Variants in LRRIQ1 observed in about 807,000 individuals in gnomAD.
The protein encoded by LRRIQ1 is leucine rich repeats and IQ motif containing 1.
In LRRIQ1, 210 loss-of-function variants were observed where a neutral mutation model predicts 211.9. The observed-to-expected ratio is 0.99, with a 90% CI of 0.89 to 1.11. The LOEUF is 1.11. LRRIQ1 is among the 50% of genes most tolerant of loss of function. The pLI is 0.00. For missense variants in LRRIQ1, 2,136 were observed against 1,939.5 expected, an observed-to-expected ratio of 1.10 and a Z score of -1.90; for synonymous variants, 699 against 650.1, an observed-to-expected ratio of 1.08 and a Z score of -1.14.
rs1035805401 is a variant in LRRIQ1 at position 85,151,432 on chromosome 12, A to C, written c.4330-848A>C. 4.6e-5 allele frequency among the ~76,000 whole-genome samples: 7 copies of C among 151,806 alleles called. No individual in the cohort carries two copies. The Admixed American group carries it at 4.6e-4, about 10-fold the overall frequency. ...TCAGAATAAATTATTCTAGTTTTAA[A>C]TCATAAAATGTTTGATTATTTTACA... On this transcript the variant is annotated intron_variant, in intron 19 of 26. Coordinates refer to ENST00000393217, the MANE Select transcript of LRRIQ1 (RefSeq NM_001079910.2).
intron 3 of LRRIQ1, among the ~76,000 whole-genome samples, chr12:85,041,172 GA>G (rs953532376): frequency 2.6e-5 from 4 of 151,568 alleles, no homozygotes; most frequent in African/African-American, 7.3e-5. Flanking sequence ...AAATATTCAT[GA>G]TATGTTAAAA....
chr12:85,152,935 C>T, intron 20 of LRRIQ1, 89 bp from the exon 21 acceptor site: 1 of 791,984 alleles, frequency 1.3e-6, no homozygotes, highest in South Asian at 2.5e-5. Context: ...CCTTAGGAGG[C>T]TATTTGGTAA....
intron 1 of LRRIQ1, among the ~76,000 whole-genome samples, chr12:85,255,027 T>C (rs538102281): frequency 2.6e-5 from 4 of 152,012 alleles, no homozygotes; most frequent in Non-Finnish European, 4.4e-5. Context: ...AATCTTTCTC[T>C]TCTAACTTAT....
At chr12:85,161,497 G>A (rs951528262) in intron 24 of LRRIQ1, among the ~76,000 whole-genome samples, 2 of 151,606 alleles carry the variant, frequency 1.3e-5, no homozygotes, top group Non-Finnish European at 2.9e-5. Context: ...ATAGAAAAAT[G>A]GAATCATATT....
At chr12:85,067,255 TG>T (rs1323315750) in intron 10 of LRRIQ1, among the ~76,000 whole-genome samples, 1 of 151,882 alleles carries the variant, frequency 6.6e-6, no homozygotes, top group African/African-American at 2.4e-5. Flanking sequence ...AACTATTTGC[TG>T]GTAAACCTTT....
At chr12:85,120,086 G>A (rs1229376249) in intron 15 of LRRIQ1, among the ~76,000 whole-genome samples, 3 of 151,772 alleles carry the variant, frequency 2.0e-5, no homozygotes, top group African/African-American at 7.3e-5. Flanking sequence ...CCTTCCTTTT[G>A]CATTTTATCT....
At chr12:85,160,114 A>G (rs1233522338) in intron 23 of LRRIQ1, among the ~76,000 whole-genome samples, 3 of 152,032 alleles carry the variant, frequency 2.0e-5, no homozygotes, top group African/African-American at 7.2e-5. Flanking sequence ...TTACAACATT[A>G]AAAATCTTGT....
intron 26 of LRRIQ1, among the ~76,000 whole-genome samples, chr12:85,242,088 T>C (rs560274893): frequency 2.0e-4 from 31 of 152,148 alleles, no homozygotes; most frequent in African/African-American, 6.7e-4. Context: ...TAAAAGAATT[T>C]TGCAAAATTA....
chr12:85,078,030 C>G (rs930290566), intron 11 of LRRIQ1, among the ~76,000 whole-genome samples: 1 of 151,790 alleles, frequency 6.6e-6, no homozygotes, highest in Non-Finnish European at 1.5e-5. Context: ...TAGCAACTTA[C>G]TCTAACTTCA....
At chr12:85,100,644 A>G (rs1003226268) in intron 13 of LRRIQ1, among the ~76,000 whole-genome samples, 1 of 151,746 alleles carries the variant, frequency 6.6e-6, no homozygotes, top group African/African-American at 2.4e-5. Context: ...CATTTCAAAT[A>G]ATACTGTCAC....
At chr12:85,255,817 A>G (rs1436494827) in intron 1 of LRRIQ1, among the ~76,000 whole-genome samples, 1 of 151,724 alleles carries the variant, frequency 6.6e-6, no homozygotes, top group African/African-American at 2.4e-5. Context: ...ACAATTAATT[A>G]CAGAAAAACA....
intron 24 of LRRIQ1, among the ~76,000 whole-genome samples, chr12:85,213,108 A>G (rs1893917398): frequency 6.6e-6 from 1 of 151,802 alleles, no homozygotes; most frequent in South Asian, 2.1e-4. Context: ...ACAAACTTAA[A>G]CTATAAAGGT....
chr12:85,121,809 C>A lies in LRRIQ1; in HGVS notation c.3490C>A (p.Leu1164Met). The change falls in exon 16 of 27, where the codon CTG becomes ATG. Residue 1164 changes from leucine to methionine, a missense_variant. Physicochemically the swap from Leu to Met is conservative, Grantham distance 15. Coordinates refer to ENST00000393217, the MANE Select transcript of LRRIQ1 (RefSeq NM_001079910.2). ...EHNQLGSAGF[L>M]ALCQSQIREF... ...CAATCAACTGGGATCAGCAGGTTTC[C>A]TGGCACTTTGTCAGTCTCAGATTCG... 6.2e-7 allele frequency: 1 copy of A among 1,607,642 alleles called. No homozygotes were observed. Among genetic ancestry groups the A allele is most frequent in the Non-Finnish European group, 8.5e-7 (1 of 1,177,030 alleles).
chr12:85,252,419 A>G (rs1895972271), intron 1 of LRRIQ1, among the ~76,000 whole-genome samples: 2 of 151,954 alleles, frequency 1.3e-5, no homozygotes, highest in South Asian at 2.1e-4. Flanking sequence ...GAAGCTAGTT[A>G]TAGACCAACA....
At chr12:85,166,762 A>G (rs1293428014) in intron 24 of LRRIQ1, among the ~76,000 whole-genome samples, 13 of 152,244 alleles carry the variant, frequency 8.5e-5, no homozygotes, top group Non-Finnish European at 1.8e-4. Flanking sequence ...AGAGATGCTC[A>G]TAATTTTATT....
intron 8 of LRRIQ1, among the ~76,000 whole-genome samples, chr12:85,064,245 C>T (rs566588836): frequency 4.9e-4 from 74 of 151,690 alleles, no homozygotes; most frequent in Non-Finnish European, 9.4e-4. Flanking sequence ...ATCTCATTGT[C>T]GTTTTGATTT....
At chr12:85,131,676 G>T (rs1267881935) in intron 18 of LRRIQ1, among the ~76,000 whole-genome samples, 1 of 152,048 alleles carries the variant, frequency 6.6e-6, no homozygotes, top group Non-Finnish European at 1.5e-5. Flanking sequence ...GAGAATGTAG[G>T]GGTAACATGG....
At chr12:85,111,026 G>A (rs1248529042) in intron 15 of LRRIQ1, among the ~76,000 whole-genome samples, 1 of 152,050 alleles carries the variant, frequency 6.6e-6, no homozygotes, top group Non-Finnish European at 1.5e-5. Context: ...TTATCTCATA[G>A]GGTAATATAG....
chr12:85,149,982 C>CA (rs1555216368), intron 19 of LRRIQ1, among the ~76,000 whole-genome samples: 3 of 151,746 alleles, frequency 2.0e-5, no homozygotes, highest in Non-Finnish European at 4.4e-5. Context: ...AGCACTCTAT[C>CA]AACATCTCTA....
Sources: allele counts gnomAD v4.1 joint callset (sites outside exome capture counted in the v4.1 genomes callset), GRCh38; gene constraint gnomAD v4.1.1; transcripts MANE v1.5; gene names NCBI Gene and HGNC (gene_info 2026-07-23, HGNC 2026-07-21).